PCED1B: variants seen among roughly 807,000 people sequenced by gnomAD.
PCED1B encodes PC-esterase domain containing 1B.
For synonymous variants in PCED1B, 251 were observed against 246.1 expected, an observed-to-expected ratio of 1.02 and a Z score of -0.19; for missense variants, 573 against 573.9, an observed-to-expected ratio of 1.00 and a Z score of 0.02.
intron 2 of PCED1B, chr12:47,136,085 C>CTTT (rs57549946): frequency 0.47 from 62,286 of 131,222 alleles, 17,213 homozygotes; most frequent in Non-Finnish European, 0.59. Flanking sequence ...CAATTTCTTT[C>CTTT]TTTTTTTTTT....
At chr12:47,223,132 G>A (rs1943535598) in intron 3 of PCED1B, among the ~76,000 whole-genome samples, 2 of 151,906 alleles carry the variant, frequency 1.3e-5, no homozygotes, top group African/African-American at 4.8e-5. Context: ...GAGAGAGAAA[G>A]ACCAACATTT....
At chr12:47,085,750 T>C (rs2137147961) in intron 1 of PCED1B, among the ~76,000 whole-genome samples, 1 of 152,354 alleles carries the variant, frequency 6.6e-6, no homozygotes, top group South Asian at 2.1e-4. Context: ...TTCTTCTTTT[T>C]CCTTATCTGT....
chr12:47,096,210 A>G (rs1592136366), intron 1 of PCED1B, among the ~76,000 whole-genome samples: 1 of 152,004 alleles, frequency 6.6e-6, no homozygotes, highest in African/African-American at 2.4e-5. Context: ...AGTTAATCAT[A>G]CTTTTAGATT....
At chr12:47,079,830 G>T (rs1035902049) in intron 1 of PCED1B, 105 bp downstream of exon 1, 1 of 149,508 alleles carries the variant, frequency 6.7e-6, no homozygotes, top group Non-Finnish European at 1.5e-5. Context: ...GCAGCGGGCG[G>T]CCCCGCCTCT....
chr12:47,125,562 A>C (rs1400819424), intron 2 of PCED1B, among the ~76,000 whole-genome samples: 1 of 152,012 alleles, frequency 6.6e-6, no homozygotes, highest in Non-Finnish European at 1.5e-5. Context: ...TGGGTACATG[A>C]TTGAGATTGT....
intron 1 of PCED1B, among the ~76,000 whole-genome samples, chr12:47,086,360 T>TAAAAAAAAAAA (rs3045485): frequency 1.0e-5 from 1 of 95,552 alleles, no homozygotes; most frequent in African/African-American, 4.6e-5. Flanking sequence ...GTGCTTATGG[T>TAAAAAAAAAAA]AAAAAAAAAA....
At chr12:47,140,729 G>T (rs1940560369) in intron 2 of PCED1B, among the ~76,000 whole-genome samples, 1 of 152,110 alleles carries the variant, frequency 6.6e-6, no homozygotes, top group Non-Finnish European at 1.5e-5. Context: ...TGTAGTGGCT[G>T]CATGCAAAAA....
chr12:47,158,257 C>A (rs1941258006), intron 2 of PCED1B, among the ~76,000 whole-genome samples: 1 of 152,208 alleles, frequency 6.6e-6, no homozygotes, highest in Non-Finnish European at 1.5e-5. Flanking sequence ...TTTCCACCAA[C>A]AATGCACAAG....
intron 2 of PCED1B, among the ~76,000 whole-genome samples, chr12:47,194,463 G>A (rs1044427194): frequency 3.3e-5 from 5 of 152,180 alleles, no homozygotes; most frequent in African/African-American, 4.8e-5. Flanking sequence ...GTGAGCCACC[G>A]CACCTTGCTG....
chr12:47,184,552 G>A (rs1391714100), intron 2 of PCED1B, among the ~76,000 whole-genome samples: 1 of 151,812 alleles, frequency 6.6e-6, no homozygotes, highest in Non-Finnish European at 1.5e-5. Context: ...AGTTTCACAA[G>A]CTAAGTAAAA....
intron 2 of PCED1B, among the ~76,000 whole-genome samples, chr12:47,202,273 T>C (rs1238729569): frequency 6.6e-6 from 1 of 151,996 alleles, no homozygotes; most frequent in African/African-American, 2.4e-5. Context: ...CATTCCTGGA[T>C]TGGTTAAAAG....
chr12:47,089,461 C>CATATATATATATATATAT (rs1217283440), intron 1 of PCED1B, among the ~76,000 whole-genome samples: 126 of 63,300 alleles, frequency 2.0e-3, no homozygotes, highest in Admixed American at 3.2e-3. Context: ...AAAAAAAATA[C>CATATATATATATATATAT]ATATATATAT....
intron 2 of PCED1B, among the ~76,000 whole-genome samples, chr12:47,182,602 GA>G (rs1287037472): frequency 6.2e-5 from 9 of 145,594 alleles, no homozygotes; most frequent in East Asian, 4.1e-4. Context: ...AAAAAAAAAA[GA>G]AAAAAAAAGA....
intron 2 of PCED1B, among the ~76,000 whole-genome samples, chr12:47,195,374 A>G (rs961733618): frequency 3.3e-5 from 5 of 152,088 alleles, no homozygotes; most frequent in African/African-American, 1.2e-4. Context: ...GGTGACAGCT[A>G]ATGTCTCGAG....
chr12:47,200,127 G>A (rs962835565), intron 2 of PCED1B, among the ~76,000 whole-genome samples: 2 of 151,974 alleles, frequency 1.3e-5, no homozygotes, highest in Non-Finnish European at 2.9e-5. Context: ...TTGAACCCTG[G>A]GAGGTTGTAG....
intron 2 of PCED1B, among the ~76,000 whole-genome samples, chr12:47,167,567 G>A (rs1941585843): frequency 6.6e-6 from 1 of 152,172 alleles, no homozygotes; most frequent in Non-Finnish European, 1.5e-5. Flanking sequence ...CGTGTACCCA[G>A]TTGTGCTGGT....
intron 2 of PCED1B, among the ~76,000 whole-genome samples, chr12:47,108,963 A>G (rs1023593827): frequency 6.6e-6 from 1 of 152,248 alleles, no homozygotes; most frequent in Non-Finnish European, 1.5e-5. Context: ...CCTTTGGCAG[A>G]GTCCTCACCA....
rs150865006 is a variant in PCED1B at position 47,230,650 on chromosome 12, C to T, written c.-57-4357C>T. 0.011 allele frequency among the ~76,000 whole-genome samples: 1,724 copies of T among 152,062 alleles called. 121 individuals carry two copies. The East Asian group carries it at 0.2, about 18-fold the overall frequency. ...AGAGACAGGATTTCACCATTTTGGC[C>T]AGGCTGGTCTTGAACTCCTGATCTC... On this transcript the variant is annotated intron_variant, in intron 3 of 3. Coordinates refer to ENST00000546455, the MANE Select transcript of PCED1B (RefSeq NM_138371.3).
In PCED1B at chr12:47,135,855, C is replaced by T. The variant is rs12312927; in HGVS notation, c.-526+31660C>T. The stretch of plus-strand genomic sequence containing the variant: ...CTTGAGCATCTCATGGTTGGTGGAG[C>T]GGCCGGTGTTGGCAGGAGTGAAGAG... On this transcript the variant is annotated intron_variant, in intron 2 of 3. Coordinates refer to ENST00000546455, the MANE Select transcript of PCED1B (RefSeq NM_138371.3). 2,558 of 442,698 alleles carry T rather than the reference C, an allele frequency of 5.8e-3. 59 individuals are homozygous for T. The highest frequency in any genetic ancestry group is 0.046 in the African/African-American group (2,296 of 49,822). 27.4% of individuals were successfully genotyped at this position (442,698 alleles called of 1,614,324 possible). A position where few individuals can be genotyped will look rare whatever the true frequency, so the allele number is the denominator to read the frequency against.
Sources: allele counts gnomAD v4.1 joint callset (sites outside exome capture counted in the v4.1 genomes callset), GRCh38; gene constraint gnomAD v4.1.1; transcripts MANE v1.5; gene names NCBI Gene and HGNC (gene_info 2026-07-23, HGNC 2026-07-21).